The following NEB variants were observed in gnomAD, a reference collection of about 807,000 sequenced individuals.
NEB encodes the protein nebulin.
In NEB, 512 loss-of-function variants were observed where a neutral mutation model predicts 952.2. That is an observed-to-expected ratio of 0.54 (90% CI 0.50 to 0.58). The LOEUF is 0.58. NEB is among the 20% of genes least tolerant of loss of function. The pLI, the probability that NEB is intolerant of heterozygous loss-of-function variation, is 0.00. For missense variants in NEB, 8,428 were observed against 9,231.1 expected (o/e 0.91, Z 3.56); for synonymous variants, 2,900 against 3,149.8 (o/e 0.92, Z 2.66).
rs765664289 is a variant in NEB at position 151,610,639 on chromosome 2, T to C, written c.11911-16A>G. ...TGTAAAGTTTCTAGGGAAGGGATAA[T>C]AGACGACAGAAAATAAGAGTGTTTG... On this transcript the variant is annotated splice_polypyrimidine_tract_variant and intron_variant, in intron 79 of 181. Transcript: ENST00000397345. The C allele has an allele frequency of 8.2e-6, 13 of 1,593,820 alleles. No individual in the cohort carries two copies. Among genetic ancestry groups the C allele is most frequent in the African/African-American group, 1.3e-5 (1 of 74,444 alleles).
rs1553457085 is a variant in NEB at position 151,654,007 on chromosome 2, T to C, written c.6900A>G (p.Arg2300=). 1.9e-6 allele frequency: 3 copies of C among 1,611,624 alleles called. No individual in the cohort carries two copies. The highest frequency in any genetic ancestry group is 2.5e-6 in the Non-Finnish European group (3 of 1,178,172). The change falls in exon 52 of 182, where the codon AGA becomes AGG. Residue 2300 remains arginine, a synonymous_variant. Coordinates refer to ENST00000397345, the MANE Select transcript of NEB (RefSeq NM_001164508.2). ...TAGTACTCACATCACTAGCAATGTC[T>C]CTTGAAGCTTTAGCTAGCTGTACAG... ...AISVQLAKAS[R]DIASDYKYKQ...
chr2:151,680,141 T>C, intron 30 of NEB, 119 bp from the exon 31 acceptor site: 2 of 744,306 alleles, frequency 2.7e-6, no homozygotes, highest in Non-Finnish European at 2.3e-6. Context: ...AGGACACTCT[T>C]TGTGCATTTG....
intron 14 of NEB, 31 bp from the exon 15 acceptor site, chr2:151,697,488 T>C (rs1349165407): frequency 1.9e-6 from 3 of 1,605,972 alleles, no homozygotes; most frequent in Middle Eastern, 1.7e-4. Context: ...CATTTATTAA[T>C]TGGTGAAATA....
At position 151,612,272 on chromosome 2, in the gene NEB, G is replaced by A. The variant is rs377182240; in HGVS notation, c.11719C>T (p.Gln3907Ter). 11 of 1,613,718 alleles carry A rather than the reference G, an allele frequency of 6.8e-6. No individual in the cohort carries two copies. Among genetic ancestry groups the A allele is most frequent in the Non-Finnish European group, 9.3e-6 (11 of 1,179,832 alleles). The change falls in exon 78 of 182, where the codon CAG (glutamine) becomes TAG (stop). Residue 3907 changes from glutamine to a stop codon, truncating the protein, a stop_gained. Coordinates refer to ENST00000397345, the MANE Select transcript of NEB (RefSeq NM_001164508.2). LOFTEE classifies it high-confidence loss of function. ...GTGAATTTGAGCTGGTCTGCAGGCT[G>A]GCGATACTTCCTGTCACTCAGGATT... ...GEILSDRKYR[Q>*]PADQLKFTCI... is the part of the protein sequence containing the mutation.
At chr2:151,487,547 C>G (rs1029670356) in intron 181 of NEB, among the ~76,000 whole-genome samples, 7 of 152,052 alleles carry the variant, frequency 4.6e-5, no homozygotes, top group African/African-American at 1.7e-4. Flanking sequence ...GTATCTTACC[C>G]TTTTTGACTG....
In NEB at chr2:151,548,308, C is replaced by T; in HGVS notation, c.20157G>A (p.Glu6719=). 4 of 1,607,844 alleles carry T rather than the reference C, an allele frequency of 2.5e-6. No homozygotes were observed. Among genetic ancestry groups the T allele is most frequent in the Non-Finnish European group, 3.4e-6 (4 of 1,174,480 alleles). The change falls in exon 131 of 182, where the codon GAG becomes GAA. Residue 6719 remains glutamate, a splice_region_variant and synonymous_variant. Coordinates refer to ENST00000397345, the MANE Select transcript of NEB (RefSeq NM_001164508.2). Reference sequence around the variant, plus strand: ...TCTTGGAGAATCAGCATTCAGGTACCTCGCTGGTAACATTGTTGACTCTCC... The same window carrying T: ...TCTTGGAGAATCAGCATTCAGGTACTTCGCTGGTAACATTGTTGACTCTCC... ...HVRRVNNVTS[E]RLYRELYHKL...
rs575091306 is a variant in NEB, at chr2:151,503,540, A to G, written c.23743-99T>C. ...TATTTGGGGGAAACTCATAAAAACAATCTAGCTCTCAAATATAACATTCAA... is the reference window on the plus strand; with the variant it reads ...TATTTGGGGGAAACTCATAAAAACAGTCTAGCTCTCAAATATAACATTCAA... On this transcript the variant is annotated intron_variant, in intron 165 of 181. Coordinates refer to ENST00000397345, the MANE Select transcript of NEB (RefSeq NM_001164508.2). 6.9e-6 allele frequency: 5 copies of G among 724,634 alleles called. No homozygotes were observed. In the Admixed American group the frequency reaches 1.2e-4, roughly 18 times the overall value. The allele number at this position is 724,634 out of a possible 1,614,324, so 44.9% of individuals were successfully genotyped here.
intron 156 of NEB, 118 bp downstream of exon 156, chr2:151,518,200 A>G: frequency 1.3e-6 from 1 of 774,468 alleles, no homozygotes; most frequent in Non-Finnish European, 2.3e-6. Flanking sequence ...ACCAGATTCA[A>G]AACCCCTTAT....
intron 110 of NEB, 76 bp from the exon 111 acceptor site, chr2:151,568,792 G>T (rs79849542): frequency 0.058 from 61,945 of 1,064,736 alleles, 1,911 homozygotes; most frequent in Non-Finnish European, 0.062. Context: ...ACTAAATTTA[G>T]AGTCCTTCTC....
chr2:151,508,191 C>T (rs1028919660), intron 161 of NEB, 82 bp from the exon 162 acceptor site: 19 of 865,826 alleles, frequency 2.2e-5, no homozygotes, highest in African/African-American at 3.4e-5. Context: ...CTATTTTAGC[C>T]CTTCCAGGCT....
chr2:151,650,483 T>C, intron 53 of NEB, 91 bp downstream of exon 53: 1 of 1,489,940 alleles, frequency 6.7e-7, no homozygotes, highest in South Asian at 1.3e-5. Flanking sequence ...TTTTCAATAA[T>C]AATTCCTAAT....
chr2:151,722,253 T>C (rs2099776252), intron 9 of NEB, among the ~76,000 whole-genome samples: 1 of 152,214 alleles, frequency 6.6e-6, no homozygotes, highest in Non-Finnish European at 1.5e-5. Flanking sequence ...ATTTTCAATA[T>C]GGCCTCCCGC....
intron 113 of NEB, 144 bp downstream of exon 113, chr2:151,567,927 T>C (rs749846777): frequency 9.7e-5 from 59 of 610,768 alleles, no homozygotes; most frequent in Non-Finnish European, 1.6e-4. Flanking sequence ...AGTGAGCAGG[T>C]ACTCCAACCA....
intron 72 of NEB, 58 bp downstream of exon 72, chr2:151,620,860 GC>G: frequency 1.5e-6 from 2 of 1,300,088 alleles, no homozygotes; most frequent in Middle Eastern, 1.9e-4. Context: ...GAGACATCCA[GC>G]TGTATTCTGT....
intron 113 of NEB, 123 bp from the exon 114 acceptor site, chr2:151,567,602 A>G (rs560893884): frequency 2.8e-6 from 2 of 709,152 alleles, no homozygotes; most frequent in South Asian, 2.9e-5. Flanking sequence ...GACACCCCCA[A>G]CTCTGAGAGC....
intron 135 of NEB, among the ~76,000 whole-genome samples, chr2:151,542,220 T>C (rs1489897447): frequency 6.6e-6 from 1 of 152,200 alleles, no homozygotes; most frequent in East Asian, 1.9e-4. Context: ...GACCTCCTCA[T>C]CAGCCTTCCT....
At chr2:151,546,097 AG>A (rs2094642992) in intron 134 of NEB, 99 bp from the exon 135 acceptor site, 1 of 874,342 alleles carries the variant, frequency 1.1e-6, no homozygotes, top group African/African-American at 1.7e-5. Context: ...TAAGCTGAGC[AG>A]GGCTTTCATG....
intron 39 of NEB, among the ~76,000 whole-genome samples, chr2:151,668,545 TA>T (rs1282035614): frequency 2.6e-5 from 4 of 152,112 alleles, no homozygotes; most frequent in African/African-American, 4.8e-5. Context: ...ATCCTTTTTT[TA>T]AAAAAGGAAA....
At chr2:151,722,008 C>T (rs946491959) in intron 9 of NEB, among the ~76,000 whole-genome samples, 6 of 152,052 alleles carry the variant, frequency 3.9e-5, no homozygotes, top group East Asian at 1.9e-4. Flanking sequence ...AAGAGGGTGG[C>T]GTTAAAAATT....
Sources: gnomAD v4.1 joint callset for allele counts (sites outside exome capture counted in the v4.1 genomes callset) on GRCh38, gnomAD v4.1.1 for gene constraint, MANE v1.5 for transcripts, NCBI Gene and HGNC (gene_info 2026-07-23, HGNC 2026-07-21) for gene names.